The following C10orf143 variants were observed in gnomAD, a reference collection of about 807,000 sequenced individuals.
C10orf143 encodes the protein uncharacterized protein C10orf143.
chr10:130,042,115 T>C (rs1377904090), intron 3 of C10orf143, among the ~76,000 whole-genome samples: 1 of 152,184 alleles, frequency 6.6e-6, no homozygotes, highest in Non-Finnish European at 1.5e-5. Context: ...TGCACACCCA[T>C]ACATACACAC....
At chr10:130,087,484 A>C (rs1861310802) in intron 1 of C10orf143, among the ~76,000 whole-genome samples, 1 of 152,202 alleles carries the variant, frequency 6.6e-6, no homozygotes, top group African/African-American at 2.4e-5. Flanking sequence ...AACGATGCTA[A>C]ATTAAAATAG....
intron 3 of C10orf143, among the ~76,000 whole-genome samples, chr10:130,047,962 G>A (rs1860695946): frequency 6.6e-6 from 1 of 152,142 alleles, no homozygotes; most frequent in African/African-American, 2.4e-5. Flanking sequence ...AAAATCGAGT[G>A]CTCCAGTCTG....
chr10:130,069,181 T>A (rs982412775), intron 3 of C10orf143, among the ~76,000 whole-genome samples: 2 of 152,100 alleles, frequency 1.3e-5, no homozygotes, highest in African/African-American at 4.8e-5. Context: ...TGAGCCTCAG[T>A]GATACCAACA....
At chr10:130,053,755 G>A (rs892319635) in intron 3 of C10orf143, among the ~76,000 whole-genome samples, 9 of 152,198 alleles carry the variant, frequency 5.9e-5, no homozygotes, top group African/African-American at 1.9e-4. Flanking sequence ...CGCGTCTTAA[G>A]TGGAACCATC....
intron 3 of C10orf143, among the ~76,000 whole-genome samples, chr10:130,052,416 C>T (rs79687264): frequency 0.033 from 4,976 of 152,136 alleles, 259 homozygotes; most frequent in African/African-American, 0.11. Context: ...CCATGGGAGC[C>T]GGGAGCACCA....
chr10:130,069,454 A>G (rs1860994721), intron 3 of C10orf143, among the ~76,000 whole-genome samples: 1 of 152,268 alleles, frequency 6.6e-6, no homozygotes, highest in South Asian at 2.1e-4. Context: ...AACACTAGAT[A>G]GTAACTTACA....
chr10:130,090,469 A>G (rs569361472), intron 1 of C10orf143, among the ~76,000 whole-genome samples: 6 of 152,264 alleles, frequency 3.9e-5, no homozygotes, highest in Admixed American at 2.0e-4. Flanking sequence ...CTGGGTTTCA[A>G]GCACAAAACT....
chr10:130,044,377 GC>G (rs1305386780), intron 3 of C10orf143, among the ~76,000 whole-genome samples: 1 of 152,108 alleles, frequency 6.6e-6, no homozygotes, highest in Non-Finnish European at 1.5e-5. Flanking sequence ...ACCCCATGAC[GC>G]CTCCTCCAGC....
At chr10:130,062,838 TG>T (rs567590166), downstream of C10orf143, among the ~76,000 whole-genome samples, 17 of 152,330 alleles carry the variant, frequency 1.1e-4, no homozygotes, top group African/African-American at 4.1e-4. Flanking sequence ...CCTTGTCACC[TG>T]GGTCATCAGG....
At chr10:130,037,470 A>G (rs572742205) in intron 3 of C10orf143, among the ~76,000 whole-genome samples, 1 of 152,264 alleles carries the variant, frequency 6.6e-6, no homozygotes, top group East Asian at 1.9e-4. Context: ...CCGGTCTCCA[A>G]GGGAGTGGCC....
chr10:130,081,654 CA>C (rs1470689344), intron 1 of C10orf143, among the ~76,000 whole-genome samples: 1 of 150,384 alleles, frequency 6.6e-6, no homozygotes, highest in South Asian at 2.1e-4. Flanking sequence ...TTAACAAAAA[CA>C]AAAAAACAGA....
intron 1 of C10orf143, among the ~76,000 whole-genome samples, chr10:130,085,967 G>T (rs1861285237): frequency 6.6e-6 from 1 of 152,122 alleles, no homozygotes; most frequent in Non-Finnish European, 1.5e-5. Flanking sequence ...CACTTTGGAG[G>T]CTTGTTCTCT....
chr10:130,066,884 G>C (rs1007453249), intron 3 of C10orf143: 3 of 152,202 alleles, frequency 2.0e-5, no homozygotes, highest in Non-Finnish European at 4.4e-5. Context: ...TGCCTCGACT[G>C]TGAGTCTTAC....
intron 3 of C10orf143, among the ~76,000 whole-genome samples, chr10:130,040,764 C>T (rs1156708636): frequency 6.6e-6 from 1 of 151,386 alleles, no homozygotes; most frequent in African/African-American, 2.4e-5. Flanking sequence ...ACCTGGTAGG[C>T]AGAAGTTGAG....
intron 3 of C10orf143, among the ~76,000 whole-genome samples, chr10:130,046,114 C>T (rs1429234823): frequency 4.0e-5 from 3 of 74,416 alleles, no homozygotes; most frequent in South Asian, 4.5e-4. Flanking sequence ...GGGCGTGGGA[C>T]GGGGCGTGGC....
At chr10:130,058,195 T>G (rs1279795977) in intron 3 of C10orf143, among the ~76,000 whole-genome samples, 2 of 152,156 alleles carry the variant, frequency 1.3e-5, no homozygotes, top group African/African-American at 2.4e-5. Flanking sequence ...GTCTGCATTT[T>G]AACCAGACAC....
intron 3 of C10orf143, among the ~76,000 whole-genome samples, chr10:130,042,433 T>C (rs895797662): frequency 6.6e-6 from 1 of 152,240 alleles, no homozygotes; most frequent in African/African-American, 2.4e-5. Context: ...GAAGAAACAT[T>C]GTGATCGATT....
At chr10:130,058,655 G>C (rs965927610) in intron 3 of C10orf143, among the ~76,000 whole-genome samples, 1 of 151,158 alleles carries the variant, frequency 6.6e-6, no homozygotes, top group African/African-American at 2.4e-5. Context: ...AGATGATCTG[G>C]GATGAGCTTA....
At chr10:130,100,341 C>A (rs1861528706) in intron 1 of C10orf143, among the ~76,000 whole-genome samples, 1 of 151,706 alleles carries the variant, frequency 6.6e-6, no homozygotes, top group Admixed American at 6.6e-5. Context: ...ACCAGCCTGG[C>A]CAACATGATG....
Sources: gnomAD v4.1 joint callset for allele counts (sites outside exome capture counted in the v4.1 genomes callset) on GRCh38, gnomAD v4.1.1 for gene constraint, MANE v1.5 for transcripts, NCBI Gene and HGNC (gene_info 2026-07-23, HGNC 2026-07-21) for gene names.